PANK1: variants seen among roughly 807,000 people sequenced by gnomAD.
PANK1 encodes the protein pantothenate kinase 1.
A neutral mutation model predicts 40.1 loss-of-function variants in PANK1; 18 were observed. The ratio of observed to expected loss-of-function variants is 0.45; its 90% CI spans 0.31 to 0.67. PANK1 has a LOEUF of 0.67. Ranked by LOEUF, PANK1 falls within the 30% of genes least tolerant of loss-of-function variation. PANK1 has a pLI of 0.06. For synonymous variants in PANK1, 242 were observed against 237.7 expected, an observed-to-expected ratio of 1.02 and a Z score of -0.17; for missense variants, 457 against 599.6, an observed-to-expected ratio of 0.76 and a Z score of 2.48.
intron 3 of PANK1, among the ~76,000 whole-genome samples, chr10:89,597,765 G>A (rs1425860734): frequency 6.6e-6 from 1 of 152,204 alleles, no homozygotes; most frequent in Non-Finnish European, 1.5e-5. Context: ...GAGGCGGTCT[G>A]TAGTTGTTTA....
At chr10:89,615,276 G>A (rs1845284654) in intron 1 of PANK1, among the ~76,000 whole-genome samples, 1 of 152,186 alleles carries the variant, frequency 6.6e-6, no homozygotes, top group Non-Finnish European at 1.5e-5. Flanking sequence ...AATTCACCCA[G>A]GTACAGCTGC....
intron 3 of PANK1, among the ~76,000 whole-genome samples, chr10:89,597,699 T>C (rs750472148): frequency 7.9e-5 from 12 of 152,220 alleles, no homozygotes; most frequent in South Asian, 6.2e-4. Flanking sequence ...TGGTGAACAA[T>C]GTATAGCTTG....
intron 1 of PANK1, among the ~76,000 whole-genome samples, chr10:89,640,687 A>C (rs1841944350): frequency 6.6e-6 from 1 of 152,226 alleles, no homozygotes; most frequent in Non-Finnish European, 1.5e-5. Context: ...ACATATATAC[A>C]CACAAAATAT....
At chr10:89,579,708 C>G (rs1307093033), downstream of PANK1, 3 of 152,156 alleles carry the variant, frequency 2.0e-5, no homozygotes, top group Non-Finnish European at 2.9e-5. Flanking sequence ...GAAGAAGTCT[C>G]TCTCCTCCCT....
chr10:89,591,290 C>T (rs1366622739), intron 5 of PANK1, among the ~76,000 whole-genome samples: 1 of 152,102 alleles, frequency 6.6e-6, no homozygotes, highest in African/African-American at 2.4e-5. Context: ...GAGGTTAACA[C>T]TGAGAGACAG....
intron 1 of PANK1, among the ~76,000 whole-genome samples, chr10:89,614,210 A>G (rs1400265337): frequency 1.3e-5 from 2 of 152,218 alleles, no homozygotes; most frequent in African/African-American, 4.8e-5. Context: ...TACACTGGAT[A>G]GGATGGGAGA....
At chr10:89,615,198 C>A (rs11185791) in intron 1 of PANK1, among the ~76,000 whole-genome samples, 1 of 152,072 alleles carries the variant, frequency 6.6e-6, no homozygotes, top group Non-Finnish European at 1.5e-5. Context: ...GAGATACTTC[C>A]GCACAACAAG....
intron 1 of PANK1, among the ~76,000 whole-genome samples, chr10:89,642,357 A>G (rs2133039265): frequency 6.6e-6 from 1 of 152,394 alleles, no homozygotes; most frequent in South Asian, 2.1e-4. Context: ...TGCATTTACA[A>G]GTGTTAACAC....
intron 1 of PANK1, among the ~76,000 whole-genome samples, chr10:89,615,778 C>T (rs1306224498): frequency 2.0e-5 from 3 of 152,202 alleles, no homozygotes; most frequent in Admixed American, 2.0e-4. Context: ...ATTGCTTTTT[C>T]AGTACACTGT....
chr10:89,595,935 T>G, intron 3 of PANK1, among the ~76,000 whole-genome samples: 1 of 145,902 alleles, frequency 6.9e-6, no homozygotes, highest in Non-Finnish European at 1.5e-5. Flanking sequence ...AAATTATGGG[T>G]TTTCATGGAA....
intron 1 of PANK1, among the ~76,000 whole-genome samples, chr10:89,636,901 G>A (rs1413286247): frequency 4.1e-5 from 6 of 147,804 alleles, no homozygotes; most frequent in South Asian, 2.2e-4. Flanking sequence ...TCTCCCTGTC[G>A]CCCAGGCTAC....
chr10:89,632,002 T>A (rs1482686843), intron 1 of PANK1, among the ~76,000 whole-genome samples: 2 of 151,218 alleles, frequency 1.3e-5, no homozygotes, highest in African/African-American at 2.4e-5. Flanking sequence ...AGGGTTCTTT[T>A]CTTTTGGAAA....
intron 1 of PANK1, among the ~76,000 whole-genome samples, chr10:89,641,768 TAAATA>T: frequency 2.0e-5 from 2 of 100,916 alleles, no homozygotes; most frequent in South Asian, 6.1e-4. Flanking sequence ...AATAAATAAA[TAAATA>T]AAATAAAAAA....
intron 1 of PANK1, among the ~76,000 whole-genome samples, chr10:89,633,763 T>C (rs1313668546): frequency 6.6e-6 from 1 of 152,118 alleles, no homozygotes; most frequent in Non-Finnish European, 1.5e-5. Flanking sequence ...CCCAAATAAA[T>C]TAAAAACTGG....
chr10:89,585,728 T>A (rs1252259582), intron 6 of PANK1, among the ~76,000 whole-genome samples: 5 of 152,202 alleles, frequency 3.3e-5, no homozygotes, highest in Non-Finnish European at 7.3e-5. Flanking sequence ...ATGACTTCTC[T>A]TAAGAGATGT....
intron 6 of PANK1, among the ~76,000 whole-genome samples, chr10:89,585,363 C>T (rs140455157): frequency 6.2e-4 from 95 of 152,288 alleles, no homozygotes; most frequent in African/African-American, 2.1e-3. Flanking sequence ...AAGTTGGTCA[C>T]GGCACAAATA....
At chr10:89,631,327 C>T (rs779999555) in intron 1 of PANK1, among the ~76,000 whole-genome samples, 3 of 152,204 alleles carry the variant, frequency 2.0e-5, no homozygotes, top group Admixed American at 6.5e-5. Context: ...TTGAGTGATA[C>T]GGATTCAGGA....
At chr10:89,612,599 C>T (rs1012209857) in intron 1 of PANK1, among the ~76,000 whole-genome samples, 2 of 152,026 alleles carry the variant, frequency 1.3e-5, no homozygotes, top group African/African-American at 2.4e-5. Context: ...GATGTGATTC[C>T]ACTGTTTTAA....
chr10:89,608,571 A>T (rs11185786), intron 2 of PANK1, among the ~76,000 whole-genome samples: 4 of 152,308 alleles, frequency 2.6e-5, no homozygotes, highest in South Asian at 4.2e-4. Context: ...TATATTTTTT[A>T]AAAATACTAT....
Sources: allele counts gnomAD v4.1 joint callset (sites outside exome capture counted in the v4.1 genomes callset), GRCh38; gene constraint gnomAD v4.1.1; transcripts MANE v1.5; gene names NCBI Gene and HGNC (gene_info 2026-07-23, HGNC 2026-07-21).